RASGEF1C: variants seen among roughly 807,000 people sequenced by gnomAD.
RASGEF1C encodes RasGEF domain family member 1C.
In RASGEF1C, 27 loss-of-function variants were observed where a neutral mutation model predicts 58.1. The observed-to-expected ratio is 0.46, with a 90% CI of 0.34 to 0.64. The LOEUF (loss-of-function observed/expected upper bound fraction) is 0.64, where lower values mean the gene tolerates loss of function less well. RASGEF1C is among the 30% of genes least tolerant of loss of function. The pLI is 0.01. For synonymous variants in RASGEF1C, 243 were observed against 246.3 expected, an observed-to-expected ratio of 0.99 and a Z score of 0.13; for missense variants, 502 against 605.1, an observed-to-expected ratio of 0.83 and a Z score of 1.79.
chr5:180,195,621 G>A (rs879388259), intron 1 of RASGEF1C, among the ~76,000 whole-genome samples: 2 of 152,016 alleles, frequency 1.3e-5, no homozygotes, highest in Non-Finnish European at 2.9e-5. Context: ...AATTAGCTGG[G>A]CGCGGTGGCG....
chr5:180,116,462 G>GCCCCTCCA (rs1429123771), intron 10 of RASGEF1C, among the ~76,000 whole-genome samples: 1 of 151,742 alleles, frequency 6.6e-6, no homozygotes, highest in Non-Finnish European at 1.5e-5. Context: ...CCCTCCCTCT[G>GCCCCTCCA]CCCCTCCACC....
intron 1 of RASGEF1C, among the ~76,000 whole-genome samples, chr5:180,151,873 A>G (rs1318118776): frequency 7.3e-5 from 1 of 13,742 alleles, no homozygotes; most frequent in African/African-American, 1.2e-4. Context: ...AATTTACAAG[A>G]AAAAAACAAA....
At chr5:180,102,309 A>G (rs571910565) in intron 12 of RASGEF1C, among the ~76,000 whole-genome samples, 166 bp from the exon 13 acceptor site, 1 of 152,020 alleles carries the variant, frequency 6.6e-6, no homozygotes, top group South Asian at 2.1e-4. Context: ...CAGTAGTTCT[A>G]TAACATTTGC....
intron 4 of RASGEF1C, among the ~76,000 whole-genome samples, chr5:180,130,028 TG>T (rs1186538179): frequency 6.6e-6 from 1 of 152,182 alleles, no homozygotes; most frequent in Non-Finnish European, 1.5e-5. Flanking sequence ...AGCTGGCTGG[TG>T]GGGGTGAGCA....
chr5:180,117,270 G>T (rs954586995), intron 10 of RASGEF1C, among the ~76,000 whole-genome samples: 1 of 152,242 alleles, frequency 6.6e-6, no homozygotes. Context: ...CGTGTGGCCG[G>T]TGTCTGCCCC....
intron 1 of RASGEF1C, among the ~76,000 whole-genome samples, chr5:180,203,149 T>A (rs529959824): frequency 6.6e-6 from 1 of 152,330 alleles, no homozygotes; most frequent in Non-Finnish European, 1.5e-5. Flanking sequence ...CGGCATGAGC[T>A]CTACCTCTTG....
intron 6 of RASGEF1C, among the ~76,000 whole-genome samples, chr5:180,126,900 GCCAGCTTCACC>G (rs1766272137): frequency 6.6e-6 from 1 of 152,156 alleles, no homozygotes; most frequent in Admixed American, 6.5e-5. Context: ...AAGTGGCTGC[GCCAGCTTCACC>G]CCAGCAGCCA....
At chr5:180,185,031 A>G (rs970624431) in intron 1 of RASGEF1C, among the ~76,000 whole-genome samples, 105 of 152,214 alleles carry the variant, frequency 6.9e-4, no homozygotes, top group African/African-American at 2.3e-3. Context: ...GGTGGCTCAC[A>G]CCTGTAATCC....
chr5:180,126,142 T>A (rs889676303), intron 6 of RASGEF1C, among the ~76,000 whole-genome samples: 2 of 152,112 alleles, frequency 1.3e-5, no homozygotes, highest in Non-Finnish European at 2.9e-5. Context: ...GCGCGGTAGC[T>A]CACGCCTGTA....
At chr5:180,140,181 G>C (rs997838887) in intron 1 of RASGEF1C, among the ~76,000 whole-genome samples, 1 of 152,196 alleles carries the variant, frequency 6.6e-6, no homozygotes, top group African/African-American at 2.4e-5. Flanking sequence ...CTGGAGCCAG[G>C]GGTGGTGGTG....
chr5:180,122,323 C>A (rs749809976), intron 6 of RASGEF1C, among the ~76,000 whole-genome samples: 2 of 152,112 alleles, frequency 1.3e-5, no homozygotes, highest in African/African-American at 4.8e-5. Flanking sequence ...CCTTGCTATG[C>A]GAACCTTTCC....
At chr5:180,181,964 G>A (rs547873927) in intron 1 of RASGEF1C, among the ~76,000 whole-genome samples, 71 of 151,754 alleles carry the variant, frequency 4.7e-4, no homozygotes, top group African/African-American at 1.6e-3. Context: ...AGCACTTTGG[G>A]AGGCCGAGAC....
At chr5:180,134,410 A>G (rs1054441709) in intron 4 of RASGEF1C, among the ~76,000 whole-genome samples, 1 of 151,918 alleles carries the variant, frequency 6.6e-6, no homozygotes, top group Non-Finnish European at 1.5e-5. Context: ...CCACCAAGAC[A>G]TGGCTCCAAC....
At chr5:180,114,175 G>A (rs182827615) in intron 11 of RASGEF1C, among the ~76,000 whole-genome samples, 1 of 152,344 alleles carries the variant, frequency 6.6e-6, no homozygotes, top group African/African-American at 2.4e-5. Flanking sequence ...TTTCTCGCCA[G>A]CCTGGTGCTC....
chr5:180,188,549 G>T (rs907512634), intron 1 of RASGEF1C, among the ~76,000 whole-genome samples: 2 of 152,148 alleles, frequency 1.3e-5, no homozygotes, highest in African/African-American at 4.8e-5. Context: ...TAGAAGAGAA[G>T]TTCCCCAACT....
intron 1 of RASGEF1C, among the ~76,000 whole-genome samples, chr5:180,160,073 A>C (rs11739380): frequency 0.058 from 8,853 of 152,226 alleles, 284 homozygotes; most frequent in Middle Eastern, 0.078. Context: ...ATGGCTGCTC[A>C]CCTATGGCCT....
chr5:180,208,702 G>A (rs1286417690), intron 1 of RASGEF1C, among the ~76,000 whole-genome samples: 1 of 152,028 alleles, frequency 6.6e-6, no homozygotes, highest in African/African-American at 2.4e-5. Flanking sequence ...GGAGGCTTTG[G>A]TCTAGGCTGG....
chr5:180,139,104 C>A (rs1766535199), intron 1 of RASGEF1C, among the ~76,000 whole-genome samples: 1 of 152,184 alleles, frequency 6.6e-6, no homozygotes, highest in African/African-American at 2.4e-5. Flanking sequence ...TCCTCTGTGA[C>A]CCTGCTCTGA....
At chr5:180,126,547 A>G (rs1766265814) in intron 6 of RASGEF1C, among the ~76,000 whole-genome samples, 2 of 151,934 alleles carry the variant, frequency 1.3e-5, no homozygotes, top group South Asian at 4.2e-4. Flanking sequence ...TTTTTTTGTT[A>G]CCCAAATGGT....
Sources: allele counts gnomAD v4.1 joint callset (sites outside exome capture counted in the v4.1 genomes callset), GRCh38; gene constraint gnomAD v4.1.1; transcripts MANE v1.5; gene names NCBI Gene and HGNC (gene_info 2026-07-23, HGNC 2026-07-21).